Variants in FSTL1 observed in about 807,000 individuals in gnomAD.
FSTL1 encodes follistatin-related protein 1.
A neutral mutation model predicts 45.9 loss-of-function variants in FSTL1; 24 were observed. The ratio of observed to expected loss-of-function variants is 0.52; its 90% CI spans 0.38 to 0.74. FSTL1 has a LOEUF of 0.74. Among genes scored for constraint, FSTL1 ranks in the 30% least tolerant of loss-of-function variants. The probability of loss-of-function intolerance (pLI) is 0.00; values close to 1 mark genes in which losing one functional copy is unlikely to be tolerated. For synonymous variants in FSTL1, 120 were observed against 137.6 expected (o/e 0.87, Z 0.89); for missense variants, 340 against 381.8 (o/e 0.89, Z 0.91).
At chr3:120,412,820 G>GCA (rs1937089905) in intron 3 of FSTL1, among the ~76,000 whole-genome samples, 2 of 45,278 alleles carry the variant, frequency 4.4e-5, no homozygotes, top group African/African-American at 6.9e-5. Context: ...ACACACATGT[G>GCA]CGCGCGCGCG....
chr3:120,414,070 C>G (rs1326656425), intron 3 of FSTL1, among the ~76,000 whole-genome samples: 3 of 151,848 alleles, frequency 2.0e-5, no homozygotes, highest in Admixed American at 1.3e-4. Flanking sequence ...GACGGAGTCT[C>G]GTTCACTCAG....
intron 2 of FSTL1, among the ~76,000 whole-genome samples, chr3:120,430,949 C>T (rs1463547594): frequency 6.6e-6 from 1 of 152,238 alleles, no homozygotes; most frequent in African/African-American, 2.4e-5. Context: ...ATACCCATCT[C>T]ATACAGAATT....
intron 2 of FSTL1, among the ~76,000 whole-genome samples, chr3:120,430,606 A>G (rs1420320420): frequency 6.6e-6 from 1 of 152,240 alleles, no homozygotes; most frequent in Non-Finnish European, 1.5e-5. Flanking sequence ...ACTACATAAA[A>G]TCAGTTCCTT....
chr3:120,440,700 T>C (rs1214315065), intron 2 of FSTL1, among the ~76,000 whole-genome samples: 1 of 152,256 alleles, frequency 6.6e-6, no homozygotes, highest in Non-Finnish European at 1.5e-5. Flanking sequence ...AAAATTTTAC[T>C]TTGTCCCAGA....
chr3:120,403,549 T>C (rs1936871075), intron 7 of FSTL1, among the ~76,000 whole-genome samples, 195 bp from the exon 8 acceptor site: 1 of 152,158 alleles, frequency 6.6e-6, no homozygotes, highest in African/African-American at 2.4e-5. Flanking sequence ...ATCTAACCTT[T>C]AGTTTGTTAT....
At chr3:120,441,617 A>C (rs1937628327) in intron 2 of FSTL1, among the ~76,000 whole-genome samples, 2 of 152,248 alleles carry the variant, frequency 1.3e-5, no homozygotes, top group South Asian at 4.1e-4. Flanking sequence ...GTATGCCATG[A>C]ACACACATAT....
chr3:120,416,494 G>T (rs1259706929), intron 2 of FSTL1, among the ~76,000 whole-genome samples: 1 of 152,186 alleles, frequency 6.6e-6, no homozygotes, highest in Non-Finnish European at 1.5e-5. Flanking sequence ...GGAAGAGGGT[G>T]AGAATTTTTC....
At chr3:120,419,503 G>C (rs902946509) in intron 2 of FSTL1, 1 of 152,216 alleles carries the variant, frequency 6.6e-6, no homozygotes, top group Non-Finnish European at 1.5e-5. Context: ...TGGGGGAAAA[G>C]AACACCTTGA....
At chr3:120,425,178 T>C (rs527697715) in intron 2 of FSTL1, among the ~76,000 whole-genome samples, 76 of 152,216 alleles carry the variant, frequency 5.0e-4, no homozygotes, top group Non-Finnish European at 9.3e-4. Flanking sequence ...TTTCAGCCCC[T>C]GTCACCTCCT....
At chr3:120,437,416 A>T (rs2107669502) in intron 2 of FSTL1, among the ~76,000 whole-genome samples, 2 of 152,348 alleles carry the variant, frequency 1.3e-5, no homozygotes, top group Admixed American at 1.3e-4. Flanking sequence ...CTAGGCTTAG[A>T]AAGAAATCAG....
chr3:120,427,984 T>C (rs1937411816), intron 2 of FSTL1, among the ~76,000 whole-genome samples: 1 of 151,886 alleles, frequency 6.6e-6, no homozygotes, highest in Admixed American at 6.5e-5. Context: ...CAGGAGAAAC[T>C]GTGGAAATGG....
At position 120,404,923 on chromosome 3, in the gene FSTL1, A is replaced by G. The variant is rs1366174811; in HGVS notation, c.511T>C (p.Phe171Leu). ...SRLDSSEFLKFVEQNETAINI... is the reference protein window; with the variant it reads ...SRLDSSEFLKLVEQNETAINI... ...ATGGCAGTTTCATTCTGTTCCACAA[A>G]CTTCAGGAATTCACTGGAGTCCAGG... is the stretch of plus-strand genomic sequence containing the variant. Residue 171 changes from phenylalanine (F) to leucine (L), a missense_variant, in exon 7 of 11, where the codon TTT becomes CTT. Transcript: ENST00000295633. The G allele has an allele frequency of 1.9e-6, 3 of 1,607,904 alleles. No homozygotes were observed. The highest frequency in any genetic ancestry group is 2.6e-6 in the Non-Finnish European group (3 of 1,174,322).
intron 2 of FSTL1, among the ~76,000 whole-genome samples, chr3:120,436,503 C>A (rs1937562628): frequency 6.6e-6 from 1 of 152,190 alleles, no homozygotes; most frequent in South Asian, 2.1e-4. Flanking sequence ...GAAAATTACC[C>A]TTCTGTGGAA....
At position 120,397,019 on chromosome 3, in the gene FSTL1, G is replaced by T. The variant is rs746903508; in HGVS notation, c.883-23C>A. On this transcript the variant is annotated intron_variant, in intron 10 of 10. Transcript: ENST00000295633. ...TTCCTTTGAGATGCAAGAGAAAATA[G>T]GCGTCATGGAAATATTAAACAACTG... 3 of 1,586,032 alleles carry T rather than the reference G, an allele frequency of 1.9e-6. No homozygotes were observed. The Admixed American group carries it at 5.0e-5, about 26-fold the overall frequency.
chr3:120,409,994 CTT>C (rs3830566), intron 5 of FSTL1: 12,106 of 185,578 alleles, frequency 0.065, 445 homozygotes, highest in East Asian at 0.15. Context: ...AAGCAGCTCT[CTT>C]GACTCAAAGA....
rs1445117948 is a variant in FSTL1 at position 120,394,367 on chromosome 3, TAAATAC to T, written c.*2579_*2584del. Reference sequence around the variant, plus strand: ...AGTTAAATGCAATATAGAAGCCTACTAAATACAAATACAAGTTCACAAACACATATG... The same window carrying T: ...AGTTAAATGCAATATAGAAGCCTACTAAATACAAGTTCACAAACACATATG... On this transcript the variant is annotated 3_prime_UTR_variant, in exon 11 of 11. Coordinates refer to ENST00000295633, the MANE Select transcript of FSTL1 (RefSeq NM_007085.5). 3 of 152,232 alleles carry T rather than the reference TAAATAC, an allele frequency of 2.0e-5. No individual in the cohort carries two copies. Among genetic ancestry groups the T allele is most frequent in the South Asian group, 2.1e-4 (1 of 4,832 alleles). 9.4% of individuals were successfully genotyped at this position (152,232 alleles called of 1,614,324 possible). A position where few individuals can be genotyped will look rare whatever the true frequency, so the allele number is the denominator to read the frequency against.
At chr3:120,437,349 AT>A (rs1937581350) in intron 2 of FSTL1, among the ~76,000 whole-genome samples, 1 of 152,204 alleles carries the variant, frequency 6.6e-6, no homozygotes, top group African/African-American at 2.4e-5. Context: ...ACATGCACTT[AT>A]TAAATTCATT....
rs200849987 is a variant in FSTL1, at chr3:120,430,226, TCA to T, written c.64-14201_64-14200del. On this transcript the variant is annotated intron_variant, in intron 2 of 10. Coordinates refer to ENST00000295633, the MANE Select transcript of FSTL1 (RefSeq NM_007085.5). ...CCAGAGTGCGTCTCCTAGAATTTTC[TCA>T]GAGACTTTGGGAATCACAGCCATCT... Among the ~76,000 whole-genome samples the T allele has an allele frequency of 8.2e-3, 1,245 of 152,356 alleles. 7 individuals carry two copies. The highest frequency in any genetic ancestry group is 0.028 in the African/African-American group (1,172 of 41,580).
chr3:120,445,606 C>A (rs1937721671), intron 2 of FSTL1, among the ~76,000 whole-genome samples: 1 of 149,444 alleles, frequency 6.7e-6, no homozygotes, highest in Non-Finnish European at 1.5e-5. Context: ...GTTCATGAAG[C>A]TATACATGGA....
Sources: gnomAD v4.1 joint callset for allele counts (sites outside exome capture counted in the v4.1 genomes callset) on GRCh38, gnomAD v4.1.1 for gene constraint, MANE v1.5 for transcripts, NCBI Gene and HGNC (gene_info 2026-07-23, HGNC 2026-07-21) for gene names.